NBAS: variants seen among roughly 807,000 people sequenced by gnomAD.
NBAS encodes the protein NAG/BC035112 fusion.
A neutral mutation model predicts 302.5 loss-of-function variants in NBAS; 219 were observed. The observed-to-expected ratio is 0.72, with a 90% confidence interval of 0.65 to 0.81. The LOEUF (loss-of-function observed/expected upper bound fraction) is 0.81, where lower values mean the gene tolerates loss of function less well. Among genes scored for constraint, NBAS ranks in the 30% least tolerant of loss-of-function variants. NBAS has a pLI of 0.00. For missense variants in NBAS, 2,932 were observed against 2,841.6 expected (o/e 1.03, Z -0.72); for synonymous variants, 1,118 against 1,021.6 (o/e 1.09, Z -1.80).
In NBAS at chr2:15,443,153, C is replaced by T. The variant is rs201695996; in HGVS notation, c.2340-15359G>A. Among the ~76,000 whole-genome samples the T allele has an allele frequency of 6.2e-3, 940 of 151,738 alleles. 13 individuals are homozygous for T. Among genetic ancestry groups the T allele is most frequent in the East Asian group, 0.045 (228 of 5,022 alleles). On this transcript the variant is annotated intron_variant, in intron 21 of 51. Transcript: ENST00000281513. ...AGGGAATCCTCCCTAACTCATTTTACGAGGCCAGCATCATCCTGATAGCAA... is the reference window on the plus strand; with the variant it reads ...AGGGAATCCTCCCTAACTCATTTTATGAGGCCAGCATCATCCTGATAGCAA...
At chr2:14,807,514 T>C in the NBAS span, among the ~76,000 whole-genome samples, 2 of 151,880 alleles carry the variant, frequency 1.3e-5, no homozygotes, top group African/African-American at 4.8e-5. Context: ...AGGTCCCCTG[T>C]TGGGCTCAGA....
intron 28 of NBAS, among the ~76,000 whole-genome samples, chr2:15,391,857 C>G (rs1675621264): frequency 6.8e-6 from 1 of 147,022 alleles, no homozygotes; most frequent in Non-Finnish European, 1.5e-5. Flanking sequence ...GACAGTGGAG[C>G]AATTTCTGTA....
intron 6 of NBAS, among the ~76,000 whole-genome samples, chr2:15,539,778 T>C (rs528512402): frequency 6.6e-6 from 1 of 152,080 alleles, no homozygotes; most frequent in African/African-American, 2.4e-5. Flanking sequence ...ATCTTTTAAA[T>C]ACATCAAATA....
intron 19 of NBAS, among the ~76,000 whole-genome samples, chr2:15,463,354 C>T (rs1321812663): frequency 2.0e-5 from 3 of 152,176 alleles, no homozygotes; most frequent in Admixed American, 2.0e-4. Context: ...CATCCTGTCA[C>T]AAAACCCTGG....
chr2:14,805,822 T>C, the NBAS span, among the ~76,000 whole-genome samples: 2 of 152,292 alleles, frequency 1.3e-5, no homozygotes, highest in Non-Finnish European at 1.5e-5. Flanking sequence ...AAAACGCCCA[T>C]TGATCCTTCA....
rs140713813 is a variant in NBAS, at chr2:15,492,126, T to C, written c.955-3104A>G. 4.4e-4 allele frequency among the ~76,000 whole-genome samples: 67 copies of C among 152,312 alleles called. 1 individual carries two copies. The South Asian group carries it at 6.4e-3, about 15-fold the overall frequency. ...TTTCACTTACACACAAAAGTAGAAA[T>C]TACAGTATAATAAATATCCACATAC... is the stretch of plus-strand genomic sequence containing the variant. On this transcript the variant is annotated intron_variant, in intron 11 of 51. Transcript: ENST00000281513.
At chr2:15,102,536 C>A in the NBAS span, among the ~76,000 whole-genome samples, 14 of 152,316 alleles carry the variant, frequency 9.2e-5, 1 homozygote, top group East Asian at 2.7e-3. Flanking sequence ...AATTCCCCTA[C>A]CCAATAATGA....
At chr2:14,822,616 C>T in the NBAS span, among the ~76,000 whole-genome samples, 3 of 152,290 alleles carry the variant, frequency 2.0e-5, no homozygotes, top group East Asian at 5.8e-4. Context: ...AGACCCATGA[C>T]AGAGGTGACT....
At position 15,292,705 on chromosome 2, in the gene NBAS, GC is replaced by G. The variant is rs1260017516; in HGVS notation, c.4858del (p.Ala1620ProfsTer9). On this transcript the variant is annotated frameshift_variant, in exon 41 of 52. Coordinates refer to ENST00000281513, the MANE Select transcript of NBAS (RefSeq NM_015909.4). LOFTEE classifies it high-confidence loss of function. ...TRHVTRHEHE[A>X]WPEDLISLTK... ...CAGTGAAATAAGGTCTTCAGGCCAG[GC>G]TTCGTGCTCATGTCGAGTCACATGC... 6.2e-7 allele frequency: 1 copy of G among 1,614,034 alleles called. No individual in the cohort carries two copies. Among genetic ancestry groups the G allele is most frequent in the Non-Finnish European group, 8.5e-7 (1 of 1,180,038 alleles).
At chr2:15,069,995 A>ACCC in the NBAS span, among the ~76,000 whole-genome samples, 70 of 151,548 alleles carry the variant, frequency 4.6e-4, no homozygotes, top group Non-Finnish European at 9.0e-4. Context: ...TTTGGTCAGA[A>ACCC]CCCCCCCACC....
chr2:15,097,897 A>G, the NBAS span, among the ~76,000 whole-genome samples: 1 of 125,436 alleles, frequency 8.0e-6, no homozygotes, highest in African/African-American at 3.0e-5. Flanking sequence ...AATGGTTATT[A>G]TTATATTATA....
intron 42 of NBAS, among the ~76,000 whole-genome samples, chr2:15,280,610 C>T (rs189683055): frequency 6.6e-6 from 1 of 152,180 alleles, no homozygotes; most frequent in African/African-American, 2.4e-5. Flanking sequence ...TTGAGTCTTT[C>T]AAGTTCGGCT....
At chr2:15,007,066 C>A in the NBAS span, among the ~76,000 whole-genome samples, 1 of 152,210 alleles carries the variant, frequency 6.6e-6, no homozygotes, top group Non-Finnish European at 1.5e-5. Context: ...CCCAGGGGAC[C>A]TTGGACATGA....
At chr2:15,077,271 C>T in the NBAS span, among the ~76,000 whole-genome samples, 1 of 152,202 alleles carries the variant, frequency 6.6e-6, no homozygotes, top group African/African-American at 2.4e-5. Flanking sequence ...ATCACAAGAA[C>T]AGCATGGGGG....
the NBAS span, among the ~76,000 whole-genome samples, chr2:14,842,296 C>T: frequency 6.6e-6 from 1 of 151,472 alleles, no homozygotes; most frequent in Non-Finnish European, 1.5e-5. Context: ...CATGAAAATC[C>T]AAAATTTTTA....
At chr2:15,461,638 TAG>T (rs761990321) in intron 20 of NBAS, 47 bp downstream of exon 20, 32 of 1,108,722 alleles carry the variant, frequency 2.9e-5, no homozygotes, top group East Asian at 2.7e-4. Context: ...CTCAAAGATT[TAG>T]AGAGTGTTAA....
At chr2:15,105,431 T>C in the NBAS span, among the ~76,000 whole-genome samples, 12 of 151,748 alleles carry the variant, frequency 7.9e-5, no homozygotes, top group Admixed American at 5.3e-4. Context: ...TTGATAATTA[T>C]TACGAATAAA....
intron 10 of NBAS, among the ~76,000 whole-genome samples, chr2:15,505,463 C>A (rs1470145614): frequency 4.6e-5 from 7 of 151,918 alleles, no homozygotes; most frequent in Admixed American, 3.3e-4. Flanking sequence ...GTGCCTTTTG[C>A]CAAAGGGGTG....
At chr2:15,010,195 T>C in the NBAS span, among the ~76,000 whole-genome samples, 1 of 152,200 alleles carries the variant, frequency 6.6e-6, no homozygotes, top group African/African-American at 2.4e-5. Context: ...CAGGAAGAAT[T>C]GTCTTCTAAC....
Sources: gnomAD v4.1 joint callset for allele counts (sites outside exome capture counted in the v4.1 genomes callset) on GRCh38, gnomAD v4.1.1 for gene constraint, MANE v1.5 for transcripts, NCBI Gene and HGNC (gene_info 2026-07-23, HGNC 2026-07-21) for gene names.